Variants in RNF214 observed in about 807,000 individuals in gnomAD.
RNF214 encodes ring finger protein 214.
In RNF214, 25 loss-of-function variants were observed where a neutral mutation model predicts 75.9. The ratio of observed to expected loss-of-function variants is 0.33; its 90% CI spans 0.24 to 0.46. The LOEUF (loss-of-function observed/expected upper bound fraction) is 0.46, where lower values mean the gene tolerates loss of function less well. RNF214 is among the 20% of genes least tolerant of loss of function. The pLI, the probability that RNF214 is intolerant of heterozygous loss-of-function variation, is 1.00. For synonymous variants in RNF214, 314 were observed against 308.8 expected (o/e 1.02, Z -0.18); for missense variants, 725 against 857.5 (o/e 0.85, Z 1.93).
Position 117,279,913 on chromosome 11 carries a change from T to G in RNF214, c.965T>G (p.Val322Gly). 6.2e-7 allele frequency: 1 copy of G among 1,606,888 alleles called. No individual in the cohort carries two copies. The highest frequency in any genetic ancestry group is 8.5e-7 in the Non-Finnish European group (1 of 1,175,240). Reference protein sequence around the residue: ...EKLCEKGRREVWEMELDRLKN... With the variant: ...EKLCEKGRREGWEMELDRLKN... ...CTTGGTTTCTTATCTTACAGAGAGG[T>G]GTGGGAAATGGAACTGGATAGACTC... The change falls in exon 7 of 15, where the codon GTG becomes GGG. Residue 322 changes from valine (V) to glycine (G), a missense_variant. By Grantham distance (109) the Val-to-Gly change is moderately radical. Around this residue, in one of 2 missense-constraint regions of RNF214, gnomAD observed 363 missense variants for 513.0 expected, o/e 0.71. Transcript: ENST00000300650.
chr11:117,276,312 C>T (rs2034014941), intron 6 of RNF214, among the ~76,000 whole-genome samples: 1 of 152,180 alleles, frequency 6.6e-6, no homozygotes. Context: ...AGCATTCCCC[C>T]TCAGAACTGG....
At position 117,234,362 on chromosome 11, in the gene RNF214, T is replaced by C. The variant is rs1218536084; in HGVS notation, c.90T>C (p.Gly30=). 1 of 1,613,322 alleles carries C rather than the reference T, an allele frequency of 6.2e-7. No homozygotes were observed. Among genetic ancestry groups the C allele is most frequent in the African/African-American group, 1.3e-5 (1 of 74,924 alleles). The change falls in exon 2 of 15, where the codon GGT becomes GGC. Residue 30 remains glycine, a synonymous_variant. Coordinates refer to ENST00000300650, the MANE Select transcript of RNF214 (RefSeq NM_207343.4). Reference sequence around the variant, plus strand: ...TATGTGCTTCCAAATCAGACGAAGGTCTCCCAGATGGTCTAAGGTAATGTG... The same window carrying C: ...TATGTGCTTCCAAATCAGACGAAGGCCTCCCAGATGGTCTAAGGTAATGTG... ...SSLCASKSDE[G]LPDGLSTKDS... is the part of the protein sequence containing the mutation.
chr11:117,256,948 G>A (rs146419727), intron 6 of RNF214, among the ~76,000 whole-genome samples: 2 of 152,296 alleles, frequency 1.3e-5, no homozygotes, highest in Admixed American at 6.5e-5. Flanking sequence ...CATAATTAAA[G>A]ATCTTTTAGA....
rs567442634 is a variant in RNF214, at chr11:117,280,480, AT to A, written c.1145+227del. On this transcript the variant is annotated intron_variant, in intron 8 of 14. Coordinates refer to ENST00000300650, the MANE Select transcript of RNF214 (RefSeq NM_207343.4). The stretch of plus-strand genomic sequence containing the variant: ...CCCTGCTACAGTTTTATAGTTTTGC[AT>A]TTTTTAATGTTTTGTTTCCATTTGG... 7.8e-3 allele frequency among the ~76,000 whole-genome samples: 1,189 copies of A among 152,204 alleles called. 8 individuals are homozygous for A. The highest frequency in any genetic ancestry group is 0.02 in the South Asian group (94 of 4,820).
intron 6 of RNF214, among the ~76,000 whole-genome samples, chr11:117,272,511 G>A (rs1446437143): frequency 1.3e-5 from 2 of 150,422 alleles, no homozygotes; most frequent in Admixed American, 1.3e-4. Context: ...CCTAGATGAC[G>A]GGTTGATAGG....
At chr11:117,241,304 G>A (rs1018115826) in intron 4 of RNF214, among the ~76,000 whole-genome samples, 4 of 151,942 alleles carry the variant, frequency 2.6e-5, no homozygotes, top group Non-Finnish European at 4.4e-5. Flanking sequence ...GCTTTAGGCC[G>A]GGCACAGTGG....
At chr11:117,274,162 G>C (rs1233080793) in intron 6 of RNF214, among the ~76,000 whole-genome samples, 1 of 151,956 alleles carries the variant, frequency 6.6e-6, no homozygotes, top group East Asian at 1.9e-4. Flanking sequence ...ACAGTTTATA[G>C]GGACAGTTTC....
chr11:117,242,557 T>TA (rs1293369537), intron 4 of RNF214, among the ~76,000 whole-genome samples: 3 of 152,106 alleles, frequency 2.0e-5, no homozygotes, highest in Admixed American at 2.0e-4. Context: ...CACATGCTTT[T>TA]AAAAAGGCAG....
chr11:117,239,448 T>G, intron 3 of RNF214: 1 of 448,740 alleles, frequency 2.2e-6, no homozygotes, highest in Non-Finnish European at 4.0e-6. Flanking sequence ...GTTAATTCTC[T>G]GAGTCACATC....
chr11:117,283,912 CT>C (rs976317683), intron 14 of RNF214, among the ~76,000 whole-genome samples: 11 of 152,138 alleles, frequency 7.2e-5, no homozygotes, highest in Admixed American at 5.2e-4. Context: ...CTGCCTCAGC[CT>C]CCCAAAGTGC....
Position 117,239,785 on chromosome 11 carries a change from CT to C in RNF214, c.619-10del. ...TGTCTCTGAACGATTCTAAATATAA[CT>C]TTTTTCCTTTATAGACTGACTTTAA... On this transcript the variant is annotated splice_polypyrimidine_tract_variant and intron_variant, in intron 3 of 14. Coordinates refer to ENST00000300650, the MANE Select transcript of RNF214 (RefSeq NM_207343.4). 2.1e-6 allele frequency: 3 copies of C among 1,443,288 alleles called. No individual in the cohort carries two copies. Among genetic ancestry groups the C allele is most frequent in the Non-Finnish European group, 2.9e-6 (3 of 1,025,216 alleles). The allele number at this position is 1,443,288 out of a possible 1,614,324, so 89.4% of individuals were successfully genotyped here.
At chr11:117,237,387 T>G (rs928763755) in intron 2 of RNF214, among the ~76,000 whole-genome samples, 3 of 152,378 alleles carry the variant, frequency 2.0e-5, no homozygotes, top group South Asian at 2.1e-4. Context: ...CAGCGAGATA[T>G]TCTTTCAGTT....
At chr11:117,266,103 C>T (rs1364984206) in intron 6 of RNF214, among the ~76,000 whole-genome samples, 4 of 152,008 alleles carry the variant, frequency 2.6e-5, no homozygotes, top group Non-Finnish European at 5.9e-5. Context: ...ATTCATTTAC[C>T]CAGTTAAAGG....
intron 6 of RNF214, among the ~76,000 whole-genome samples, chr11:117,250,895 G>A (rs1298822438): frequency 6.1e-5 from 9 of 147,114 alleles, no homozygotes; most frequent in African/African-American, 2.3e-4. Flanking sequence ...ACCCTGAGTG[G>A]ATACAGCACA....
intron 2 of RNF214, among the ~76,000 whole-genome samples, chr11:117,236,802 C>T (rs758927072): frequency 6.6e-6 from 1 of 152,224 alleles, no homozygotes; most frequent in Non-Finnish European, 1.5e-5. Flanking sequence ...CAACTTCATA[C>T]ACTAGTAATA....
At chr11:117,262,420 G>T (rs909116342) in intron 6 of RNF214, among the ~76,000 whole-genome samples, 1 of 151,442 alleles carries the variant, frequency 6.6e-6, no homozygotes, top group Non-Finnish European at 1.5e-5. Context: ...TTGCTTTGTT[G>T]CCCAGGCTGG....
At chr11:117,259,191 A>C (rs2033599695) in intron 6 of RNF214, among the ~76,000 whole-genome samples, 2 of 152,164 alleles carry the variant, frequency 1.3e-5, no homozygotes, top group Non-Finnish European at 2.9e-5. Context: ...TCCTGACCTC[A>C]AGTGAGCTGC....
In RNF214 at chr11:117,238,911, C is replaced by T; in HGVS notation, c.418C>T (p.His140Tyr). 3.1e-6 allele frequency: 5 copies of T among 1,614,132 alleles called. No homozygotes were observed. The highest frequency in any genetic ancestry group is 3.4e-6 in the Non-Finnish European group (4 of 1,180,008). ...PVTRSLKAGCHTKQLASRNCS... is the reference protein window; with the variant it reads ...PVTRSLKAGCYTKQLASRNCS... ...CACTCGGTCTCTTAAGGCAGGGTGC[C>T]ATACTAAGCAGCTTGCCTCCAGGAA... is the stretch of plus-strand genomic sequence containing the variant. The change falls in exon 3 of 15, where the codon CAT becomes TAT. Residue 140 changes from histidine (H) to tyrosine (Y), a missense_variant. Physicochemically the swap from His to Tyr is moderately conservative, Grantham distance 83. Around this residue, in one of 2 missense-constraint regions of RNF214, gnomAD observed 362 missense variants for 344.5 expected, o/e 1.05. Coordinates refer to ENST00000300650, the MANE Select transcript of RNF214 (RefSeq NM_207343.4).
At chr11:117,280,366 C>T in intron 8 of RNF214, 107 bp downstream of exon 8, 1 of 770,260 alleles carries the variant, frequency 1.3e-6, no homozygotes, top group East Asian at 2.4e-5. Flanking sequence ...ATTCTATCTG[C>T]ACAGGAATTG....
Sources: allele counts gnomAD v4.1 joint callset (sites outside exome capture counted in the v4.1 genomes callset), GRCh38; gene constraint gnomAD v4.1.1; regional missense constraint gnomAD v4.1.1; transcripts MANE v1.5; gene names NCBI Gene and HGNC (gene_info 2026-07-23, HGNC 2026-07-21).